The following CCSER1 variants were observed in gnomAD, a reference collection of about 807,000 sequenced individuals.
CCSER1 encodes the protein coiled-coil serine rich protein 1, also known as serine-rich coiled-coil domain-containing protein 1.
Under a neutral mutation model 82.0 loss-of-function variants are expected in CCSER1, and 41 were observed. The observed-to-expected ratio is 0.50, with a 90% CI of 0.39 to 0.65. CCSER1 has a LOEUF of 0.65. Among genes scored for constraint, CCSER1 ranks in the 30% least tolerant of loss-of-function variants. The pLI is 0.00. For synonymous variants in CCSER1, 414 were observed against 383.9 expected, an observed-to-expected ratio of 1.08 and a Z score of -0.92; for missense variants, 1,119 against 1,064.2, an observed-to-expected ratio of 1.05 and a Z score of -0.72.
intron 5 of CCSER1, among the ~76,000 whole-genome samples, chr4:90,522,198 C>T (rs1285380807): frequency 6.6e-6 from 1 of 152,132 alleles, no homozygotes; most frequent in Non-Finnish European, 1.5e-5. Flanking sequence ...CCTGTATTCT[C>T]ATTTGTGGTT....
chr4:90,711,206 T>C (rs573885082), intron 6 of CCSER1, among the ~76,000 whole-genome samples: 5 of 152,198 alleles, frequency 3.3e-5, no homozygotes, highest in Admixed American at 2.6e-4. Flanking sequence ...GCTGAAATTG[T>C]GTATTAGCTT....
intron 10 of CCSER1, among the ~76,000 whole-genome samples, chr4:91,370,018 C>A (rs1021413073): frequency 2.6e-5 from 4 of 151,844 alleles, no homozygotes; most frequent in African/African-American, 9.7e-5. Context: ...TGAACCCTTA[C>A]TTCTAAACTA....
chr4:90,750,052 G>C (rs535937201), intron 7 of CCSER1, among the ~76,000 whole-genome samples: 2 of 152,076 alleles, frequency 1.3e-5, no homozygotes, highest in Non-Finnish European at 2.9e-5. Flanking sequence ...GTGATGGTGA[G>C]CATTTTTTCA....
At chr4:91,373,310 T>C (rs1554852) in intron 10 of CCSER1, among the ~76,000 whole-genome samples, 108,158 of 151,950 alleles carry the variant, frequency 0.71, 38,625 homozygotes, top group East Asian at 0.86. Flanking sequence ...TTTTTACATA[T>C]TGAAGGTTTG....
intron 10 of CCSER1, among the ~76,000 whole-genome samples, chr4:91,161,730 G>A (rs555526019): frequency 7.9e-5 from 12 of 152,068 alleles, no homozygotes; most frequent in Non-Finnish European, 1.3e-4. Flanking sequence ...GTAGGAATGC[G>A]TGTGATTTTT....
At chr4:90,533,119 TCTCC>T (rs1774818680) in intron 5 of CCSER1, among the ~76,000 whole-genome samples, 1 of 128,202 alleles carries the variant, frequency 7.8e-6, no homozygotes, top group African/African-American at 3.1e-5. Flanking sequence ...TGAGACGGAG[TCTCC>T]CTCTGTCGCC....
At chr4:90,384,683 T>C (rs555398517) in intron 3 of CCSER1, among the ~76,000 whole-genome samples, 1 of 152,256 alleles carries the variant, frequency 6.6e-6, no homozygotes, top group Non-Finnish European at 1.5e-5. Flanking sequence ...GTTCCAGTCA[T>C]CCAAGGCTTC....
intron 10 of CCSER1, among the ~76,000 whole-genome samples, chr4:91,091,525 A>T (rs905386802): frequency 6.6e-6 from 1 of 152,188 alleles, no homozygotes; most frequent in Admixed American, 6.5e-5. Flanking sequence ...CTTTTACCAC[A>T]CCAGTCCATG....
At chr4:91,481,575 A>G (rs1757918436) in intron 10 of CCSER1, among the ~76,000 whole-genome samples, 1 of 152,180 alleles carries the variant, frequency 6.6e-6, no homozygotes, top group African/African-American at 2.4e-5. Flanking sequence ...GTGAGACACA[A>G]TTTAGCCCCT....
At chr4:90,439,473 A>G (rs1759541432) in intron 4 of CCSER1, among the ~76,000 whole-genome samples, 1 of 152,222 alleles carries the variant, frequency 6.6e-6, no homozygotes, top group African/African-American at 2.4e-5. Context: ...TTTGCAAAAG[A>G]CTATACTTCT....
intron 8 of CCSER1, among the ~76,000 whole-genome samples, chr4:90,908,639 G>A (rs1014717699): frequency 3.3e-5 from 5 of 152,108 alleles, no homozygotes; most frequent in African/African-American, 1.2e-4. Context: ...TTTTGTGAGT[G>A]AAACTTTTTT....
intron 8 of CCSER1, among the ~76,000 whole-genome samples, chr4:90,860,161 G>T (rs936282809): frequency 6.6e-6 from 1 of 150,972 alleles, no homozygotes; most frequent in African/African-American, 2.4e-5. Context: ...ACAATAAAAA[G>T]AAAAATAACC....
intron 1 of CCSER1, among the ~76,000 whole-genome samples, chr4:90,269,649 C>G (rs1439714418): frequency 1.3e-5 from 2 of 150,476 alleles, no homozygotes; most frequent in Non-Finnish European, 3.0e-5. Flanking sequence ...AGTCTGAACC[C>G]AAAATTAGTA....
chr4:90,903,995 T>G (rs1725064925), intron 8 of CCSER1, among the ~76,000 whole-genome samples: 1 of 152,058 alleles, frequency 6.6e-6, no homozygotes, highest in East Asian at 1.9e-4. Flanking sequence ...TAATTTTTTT[T>G]GACAGGAAAC....
At chr4:91,092,725 T>C (rs1724091441) in intron 10 of CCSER1, among the ~76,000 whole-genome samples, 1 of 152,118 alleles carries the variant, frequency 6.6e-6, no homozygotes, top group Admixed American at 6.5e-5. Context: ...TCTTTTATTG[T>C]TTGTCCTCCC....
chr4:91,465,002 G>T (rs745545157), intron 10 of CCSER1, among the ~76,000 whole-genome samples: 1 of 152,142 alleles, frequency 6.6e-6, no homozygotes, highest in Admixed American at 6.6e-5. Flanking sequence ...GCACCAAGTG[G>T]ACCGAATAGA....
Position 91,546,972 on chromosome 4 carries a change from C to CTT in CCSER1, c.2218-51586_2218-51585dup, listed in dbSNP as rs70937013. ...ATTTTTTAAATTTCTCTTGAGTTTTCTTTTTTTTTTTTTTTCACCCATGTG... is the reference window on the plus strand; with the variant it reads ...ATTTTTTAAATTTCTCTTGAGTTTTCTTTTTTTTTTTTTTTTTCACCCATGTG... On this transcript the variant is annotated intron_variant, in intron 10 of 10. Transcript: ENST00000509176. Among the ~76,000 whole-genome samples, 260 of 133,436 alleles carry CTT rather than the reference C, an allele frequency of 1.9e-3. 2 individuals carry two copies. Among genetic ancestry groups the CTT allele is most frequent in the East Asian group, 3.9e-3 (18 of 4,632 alleles). 87.5% of individuals were successfully genotyped at this position (133,436 alleles called of 152,430 possible).
At chr4:91,202,670 G>A (rs1735999625) in intron 10 of CCSER1, among the ~76,000 whole-genome samples, 1 of 65,146 alleles carries the variant, frequency 1.5e-5, no homozygotes, top group Non-Finnish European at 2.9e-5. Context: ...TCATAAAAAT[G>A]TAGTCACTGT....
intron 8 of CCSER1, among the ~76,000 whole-genome samples, chr4:90,899,734 ATG>A (rs1172235456): frequency 6.6e-6 from 1 of 152,036 alleles, no homozygotes; most frequent in Non-Finnish European, 1.5e-5. Flanking sequence ...AATTTTGTTT[ATG>A]TGATAAATCA....
Sources: allele counts gnomAD v4.1 joint callset (sites outside exome capture counted in the v4.1 genomes callset), GRCh38; gene constraint gnomAD v4.1.1; transcripts MANE v1.5; gene names NCBI Gene and HGNC (gene_info 2026-07-23, HGNC 2026-07-21).